The following FDFT1 variants were observed in gnomAD, a reference collection of about 807,000 sequenced individuals.
FDFT1 encodes the protein squalene synthase.
In FDFT1, 68 loss-of-function variants were observed where a neutral mutation model predicts 46.8. That is an observed-to-expected ratio of 1.45 (90% confidence interval 1.19 to 1.78). The LOEUF (loss-of-function observed/expected upper bound fraction) is 1.78. Ranked by LOEUF, FDFT1 falls within the 40% of genes most tolerant of loss-of-function variation. The pLI is 0.00. For missense variants in FDFT1, 928 were observed against 524.4 expected (o/e 1.77, Z -7.52); for synonymous variants, 351 against 185.1 (o/e 1.90, Z -7.28).
intron 3 of FDFT1, among the ~76,000 whole-genome samples, chr8:11,810,679 T>C (rs940908593): frequency 7.9e-5 from 12 of 152,178 alleles, no homozygotes; most frequent in Admixed American, 2.0e-4. Context: ...ATCCTAGAAT[T>C]CGCATGTCTT....
At chr8:11,819,552 C>G (rs991708082) in intron 3 of FDFT1, among the ~76,000 whole-genome samples, 4 of 152,022 alleles carry the variant, frequency 2.6e-5, no homozygotes, top group Admixed American at 2.0e-4. Context: ...TCTTTTCATT[C>G]TTTTTTCTCT....
At chr8:11,819,363 T>C (rs1488103531) in intron 3 of FDFT1, among the ~76,000 whole-genome samples, 1 of 152,184 alleles carries the variant, frequency 6.6e-6, no homozygotes, top group East Asian at 1.9e-4. Flanking sequence ...TTTGTGGTGT[T>C]CTCTGTATTT....
upstream of FDFT1, among the ~76,000 whole-genome samples, chr8:11,798,633 A>G (rs150545677): frequency 6.6e-6 from 1 of 152,368 alleles, no homozygotes; most frequent in African/African-American, 2.4e-5. Context: ...CAGGAGAAGC[A>G]GATTTAATGG....
Position 11,831,766 on chromosome 8 carries a change from C to T in FDFT1, c.1032+96C>T, listed in dbSNP as rs1342939862. 7.9e-6 allele frequency: 8 copies of T among 1,017,732 alleles called. No homozygotes were observed. In the African/African-American group the frequency reaches 7.9e-5, roughly 10 times the overall value. 63.0% of individuals were successfully genotyped at this position (1,017,732 alleles called of 1,614,324 possible). The stretch of plus-strand genomic sequence containing the variant: ...AGGTTTGGATATTAGATGATCCTAA[C>T]AATTCACTATCCTGTGGCCTAAAGA... On this transcript the variant is annotated intron_variant, in intron 7 of 7. Coordinates refer to ENST00000220584, the MANE Select transcript of FDFT1 (RefSeq NM_004462.5).
At chr8:11,820,826 G>A (rs1809131449) in intron 3 of FDFT1, among the ~76,000 whole-genome samples, 3 of 152,212 alleles carry the variant, frequency 2.0e-5, no homozygotes, top group Admixed American at 2.0e-4. Flanking sequence ...GCACTTCCTG[G>A]ATGAGGTGAC....
chr8:11,816,602 T>C (rs1348216197), intron 3 of FDFT1, among the ~76,000 whole-genome samples: 3 of 152,190 alleles, frequency 2.0e-5, no homozygotes, highest in Admixed American at 6.5e-5. Flanking sequence ...TAAGTTGGAT[T>C]CCTAGGTGTT....
rs751580960 is a variant in FDFT1, at chr8:11,808,586, C to T, written c.100-208C>T. The T allele has an allele frequency of 2.7e-4, 372 of 1,387,216 alleles. No individual in the cohort carries two copies. Among genetic ancestry groups the T allele is most frequent in the Non-Finnish European group, 3.4e-4 (363 of 1,075,738 alleles). 85.9% of individuals were successfully genotyped at this position (1,387,216 alleles called of 1,614,324 possible). On this transcript the variant is annotated intron_variant, in intron 1 of 7. Coordinates refer to ENST00000220584, the MANE Select transcript of FDFT1 (RefSeq NM_004462.5). The stretch of plus-strand genomic sequence containing the variant: ...AGCGCACCTTGGTGCTGAGTCCCGC[C>T]GCGGCGCCCAGGGGCCCGGGCGCAG...
chr8:11,800,375 G>A (rs1563286068), upstream of FDFT1, among the ~76,000 whole-genome samples: 1 of 150,274 alleles, frequency 6.7e-6, no homozygotes, highest in South Asian at 2.1e-4. Flanking sequence ...TGCCATGGGA[G>A]TATACCAAAC....
chr8:11,802,962 G>T (rs750721611), intron 1 of FDFT1, 31 bp downstream of exon 1: 5 of 1,572,538 alleles, frequency 3.2e-6, no homozygotes, highest in Admixed American at 3.7e-5. Context: ...TGCCCGGGGC[G>T]GGGAAGGAGC....
chr8:11,830,116 G>C (rs1810567003), intron 5 of FDFT1, 128 bp from the exon 6 acceptor site: 1 of 766,244 alleles, frequency 1.3e-6, no homozygotes, highest in South Asian at 1.5e-5. Flanking sequence ...AAAGTGCTGG[G>C]ATTACAGGCG....
rs144372771 is a variant in FDFT1 at position 11,838,140 on chromosome 8, C to T, written c.1033-248C>T. On this transcript the variant is annotated intron_variant, in intron 7 of 7. Coordinates refer to ENST00000220584, the MANE Select transcript of FDFT1 (RefSeq NM_004462.5). ...TGGCTCAGCCGCTGCTCTCGAGGGC[C>T]TCTGGGTGCAGTATGCACACCTGTG... Among the ~76,000 whole-genome samples, 347 of 152,282 alleles carry T rather than the reference C, an allele frequency of 2.3e-3. 3 individuals are homozygous for T. Among genetic ancestry groups the T allele is most frequent in the African/African-American group, 7.9e-3 (329 of 41,562 alleles).
At chr8:11,803,013 T>C (rs1318239407) in intron 1 of FDFT1, 82 bp downstream of exon 1, 1 of 1,523,368 alleles carries the variant, frequency 6.6e-7, no homozygotes, top group African/African-American at 1.4e-5. Context: ...CGGGCCCGGA[T>C]CTGGGGCAAG....
At chr8:11,813,690 C>T (rs1259385948) in intron 3 of FDFT1, among the ~76,000 whole-genome samples, 1 of 152,186 alleles carries the variant, frequency 6.6e-6, no homozygotes, top group Non-Finnish European at 1.5e-5. Flanking sequence ...TTTGGCCTTT[C>T]TCCATTATCC....
At chr8:11,836,728 T>G (rs765609097) in intron 7 of FDFT1, among the ~76,000 whole-genome samples, 1 of 152,244 alleles carries the variant, frequency 6.6e-6, no homozygotes, top group African/African-American at 2.4e-5. Context: ...TATTTTACTT[T>G]ATGGATGCTT....
chr8:11,815,512 C>A (rs1033816230), intron 3 of FDFT1, among the ~76,000 whole-genome samples: 5 of 152,182 alleles, frequency 3.3e-5, no homozygotes, highest in African/African-American at 1.2e-4. Context: ...CCTGTTTCTC[C>A]ACATCCTCTC....
rs941705353 is a variant in FDFT1, at chr8:11,830,233, T to C, written c.703-11T>C. 3 of 1,609,724 alleles carry C rather than the reference T, an allele frequency of 1.9e-6. No homozygotes were observed. Among genetic ancestry groups the C allele is most frequent in the African/African-American group, 1.3e-5 (1 of 74,848 alleles). On this transcript the variant is annotated splice_polypyrimidine_tract_variant and intron_variant, in intron 5 of 7. Transcript: ENST00000220584. ...ACGCTGACCTGTTCCTTAATCTTCT[T>C]ATCTGTCTAGGTTTGGAGCAGGTAT... is the stretch of plus-strand genomic sequence containing the variant.
intron 7 of FDFT1, among the ~76,000 whole-genome samples, chr8:11,837,404 G>C (rs1225983099): frequency 6.6e-6 from 1 of 152,102 alleles, no homozygotes; most frequent in Non-Finnish European, 1.5e-5. Flanking sequence ...GCTAATTTTT[G>C]TACATTTTGT....
chr8:11,809,361 G>A, intron 2 of FDFT1: 1 of 1,129,670 alleles, frequency 8.9e-7, no homozygotes. Context: ...CTACATATTA[G>A]TTCGGTCTAA....
chr8:11,808,127 C>A, intron 1 of FDFT1: 1 of 429,796 alleles, frequency 2.3e-6, no homozygotes, highest in Non-Finnish European at 3.2e-6. Context: ...CTGGTCAAAT[C>A]AATTTAGCAG....
Sources: allele counts gnomAD v4.1 joint callset (sites outside exome capture counted in the v4.1 genomes callset), GRCh38; gene constraint gnomAD v4.1.1; transcripts MANE v1.5; gene names NCBI Gene and HGNC (gene_info 2026-07-23, HGNC 2026-07-21).